The following CLTC variants were observed in gnomAD, a reference collection of about 807,000 sequenced individuals.
CLTC encodes clathrin heavy chain.
Under a neutral mutation model 195.8 loss-of-function variants are expected in CLTC, and 16 were observed. The observed-to-expected ratio is 0.08, with a 90% CI of 0.06 to 0.12. The LOEUF (loss-of-function observed/expected upper bound fraction) is 0.12. CLTC is among the 10% of genes least tolerant of loss of function. CLTC has a pLI of 1.00. For missense variants in CLTC, 796 were observed against 2,027.0 expected (o/e 0.39, Z 11.66); for synonymous variants, 667 against 689.4 (o/e 0.97, Z 0.51).
chr17:59,672,904 CTG>C (rs910646867), intron 14 of CLTC, among the ~76,000 whole-genome samples: 1 of 152,064 alleles, frequency 6.6e-6, no homozygotes, highest in Non-Finnish European at 1.5e-5. Flanking sequence ...CTGATGGAAA[CTG>C]TTGTTTTTTG....
intron 6 of CLTC, chr17:59,656,258 G>A (rs1287647352): frequency 2.6e-6 from 1 of 378,668 alleles, no homozygotes; most frequent in Non-Finnish European, 4.7e-6. Flanking sequence ...AAATAGAGAT[G>A]TGTATGAATA....
chr17:59,645,836 A>G (rs1224394953), intron 2 of CLTC, among the ~76,000 whole-genome samples: 1 of 139,774 alleles, frequency 7.2e-6, no homozygotes, highest in Non-Finnish European at 1.6e-5. Flanking sequence ...TTTTACTTCT[A>G]TTACTTCTAT....
chr17:59,633,327 C>T (rs1238239556), intron 1 of CLTC, among the ~76,000 whole-genome samples: 4 of 151,986 alleles, frequency 2.6e-5, no homozygotes, highest in African/African-American at 9.7e-5. Context: ...CCCGTCTCTA[C>T]TGAAAAAATA....
At position 59,682,261 on chromosome 17, in the gene CLTC, C is replaced by G. The variant is rs752628740; in HGVS notation, c.3443-10C>G. 1 of 1,603,554 alleles carries G rather than the reference C, an allele frequency of 6.2e-7. No individual in the cohort carries two copies. Among genetic ancestry groups the G allele is most frequent in the South Asian group, 1.1e-5 (1 of 89,538 alleles). On this transcript the variant is annotated splice_polypyrimidine_tract_variant and intron_variant, in intron 21 of 31. Transcript: ENST00000269122. The surrounding 1 kb of genome is among the most constrained non-coding windows in gnomAD (Gnocchi z 6.8). ...GTGTTTGGATATATTTTTTCTTTTT[C>G]TATACTTAGGAAACTGGGAAGAACT...
intron 1 of CLTC, among the ~76,000 whole-genome samples, chr17:59,638,545 T>A (rs2031936770): frequency 7.0e-6 from 1 of 143,296 alleles, no homozygotes; most frequent in South Asian, 2.5e-4. Flanking sequence ...AGAAAATTTT[T>A]CCACCGGTTG....
chr17:59,678,056 A>G (rs959643661), intron 17 of CLTC, among the ~76,000 whole-genome samples: 1 of 152,118 alleles, frequency 6.6e-6, no homozygotes, highest in Non-Finnish European at 1.5e-5. Context: ...CCTATTCTCT[A>G]TATTTCATCT....
In CLTC at chr17:59,666,027, AAG is replaced by A. The variant is rs2032722790; in HGVS notation, c.1645-73_1645-72del. 2 of 1,110,024 alleles carry A rather than the reference AAG, an allele frequency of 1.8e-6. No individual in the cohort carries two copies. Among genetic ancestry groups the A allele is most frequent in the Admixed American group, 2.1e-5 (1 of 47,768 alleles). The allele number at this position is 1,110,024 out of a possible 1,614,324, so 68.8% of individuals were successfully genotyped here. ...TCCAAATAAAATTCTCAGGTAAAGA[AAG>A]AGTTCATGCATAATTTTGTCTACAT... On this transcript the variant is annotated intron_variant, in intron 10 of 31. Coordinates refer to ENST00000269122, the MANE Select transcript of CLTC (RefSeq NM_004859.4). This position sits in a 1 kb window ranked among gnomAD's most constrained non-coding sequence, Gnocchi z 4.9.
In CLTC at chr17:59,682,580, A is replaced by G; in HGVS notation, c.3601-49A>G. On this transcript the variant is annotated intron_variant, in intron 22 of 31. Coordinates refer to ENST00000269122, the MANE Select transcript of CLTC (RefSeq NM_004859.4). The surrounding 1 kb of genome is among the most constrained non-coding windows in gnomAD (Gnocchi z 6.8). ...AAGATATCAATTTGAAAAGAGGATT[A>G]AGCTCACACTAATATCTTGCTGAAT... is the stretch of plus-strand genomic sequence containing the variant. 6.3e-7 allele frequency: 1 copy of G among 1,598,576 alleles called. No homozygotes were observed. The highest frequency in any genetic ancestry group is 8.5e-7 in the Non-Finnish European group (1 of 1,169,874).
intron 1 of CLTC, among the ~76,000 whole-genome samples, chr17:59,638,539 A>C (rs2031936530): frequency 6.6e-6 from 1 of 151,432 alleles, no homozygotes; most frequent in South Asian, 2.1e-4. Flanking sequence ...TGTGGAAGAA[A>C]ATTTTTCCAC....
chr17:59,673,827 CAT>C, intron 15 of CLTC, 55 bp downstream of exon 15: 5 of 897,204 alleles, frequency 5.6e-6, no homozygotes, highest in Non-Finnish European at 8.8e-6. Flanking sequence ...TTTTATTTCT[CAT>C]ATTCTGGAAA....
intron 30 of CLTC, among the ~76,000 whole-genome samples, chr17:59,686,389 ATC>A (rs1323833516): frequency 2.0e-5 from 3 of 151,990 alleles, no homozygotes; most frequent in Non-Finnish European, 4.4e-5. Context: ...TACTCACCCT[ATC>A]TTCAGCAGTT....
At position 59,682,329 on chromosome 17, in the gene CLTC, C is replaced by G; in HGVS notation, c.3501C>G (p.Ser1167=). The G allele has an allele frequency of 1.9e-6, 3 of 1,614,042 alleles. No homozygotes were observed. The highest frequency in any genetic ancestry group is 2.5e-6 in the Non-Finnish European group (3 of 1,179,962). The change falls in exon 22 of 32, where the codon TCC becomes TCG. Residue 1167 remains serine, a synonymous_variant. Transcript: ENST00000269122. This position sits in a 1 kb window ranked among gnomAD's most constrained non-coding sequence, Gnocchi z 6.8. ...LQMARKKARE[S]YVETELIFAL... is the part of the protein sequence containing the mutation. ...TGGCCCGTAAGAAGGCTCGAGAGTC[C>G]TATGTGGAGACAGAACTGATATTCG...
At chr17:59,693,466 CAG>C (rs898474208) in intron 31 of CLTC, among the ~76,000 whole-genome samples, 67 of 150,610 alleles carry the variant, frequency 4.4e-4, no homozygotes, top group African/African-American at 1.5e-3. Flanking sequence ...GTCAAGTATA[CAG>C]AGTGTCAGGC....
intron 6 of CLTC, among the ~76,000 whole-genome samples, chr17:59,658,023 A>G (rs965966183): frequency 6.6e-6 from 1 of 151,902 alleles, no homozygotes; most frequent in African/African-American, 2.4e-5. Flanking sequence ...ATATGGTGAA[A>G]CCTCGTCTCT....
At chr17:59,673,440 C>T (rs2032898113) in intron 14 of CLTC, among the ~76,000 whole-genome samples, 2 of 152,094 alleles carry the variant, frequency 1.3e-5, no homozygotes, top group Non-Finnish European at 2.9e-5. Flanking sequence ...GACTTGGTAT[C>T]TTGCTGTGTG....
rs766662559 is a variant in CLTC at position 59,683,997 on chromosome 17, T to C, written c.4434+12T>C. Reference sequence around the variant, plus strand: ...AAGAAGATTATCAGGTAAAACCTTTTGATTCTTGCACATAATCTCAAGACT... The same window carrying C: ...AAGAAGATTATCAGGTAAAACCTTTCGATTCTTGCACATAATCTCAAGACT... On this transcript the variant is annotated intron_variant, in intron 28 of 31. Transcript: ENST00000269122. The surrounding 1 kb of genome is among the most constrained non-coding windows in gnomAD (Gnocchi z 6.1). 23 of 1,467,236 alleles carry C rather than the reference T, an allele frequency of 1.6e-5. No homozygotes were observed. The highest frequency in any genetic ancestry group is 2.3e-5 in the East Asian group (1 of 43,958). The allele number at this position is 1,467,236 out of a possible 1,614,324, so 90.9% of individuals were successfully genotyped here.
intron 1 of CLTC, among the ~76,000 whole-genome samples, chr17:59,627,511 T>C (rs2031586586): frequency 6.6e-6 from 1 of 152,214 alleles, no homozygotes; most frequent in African/African-American, 2.4e-5. Context: ...AAATGGTCTG[T>C]ATCATTTGAA....
chr17:59,655,606 C>A (rs191024534), intron 5 of CLTC, among the ~76,000 whole-genome samples: 10 of 152,294 alleles, frequency 6.6e-5, no homozygotes, highest in South Asian at 2.1e-4. Context: ...CCCTGTAATA[C>A]GTAAACTGTG....
At chr17:59,673,286 A>G (rs2032894502) in intron 14 of CLTC, among the ~76,000 whole-genome samples, 1 of 152,212 alleles carries the variant, frequency 6.6e-6, no homozygotes, top group Non-Finnish European at 1.5e-5. Context: ...CAATGTGACT[A>G]TAGTTATTAA....
Sources: allele counts gnomAD v4.1 joint callset (sites outside exome capture counted in the v4.1 genomes callset), GRCh38; gene constraint gnomAD v4.1.1; non-coding constraint Gnocchi (gnomAD v3.1); transcripts MANE v1.5; gene names NCBI Gene and HGNC (gene_info 2026-07-23, HGNC 2026-07-21).